The following GRM1 variants were observed in gnomAD, a reference collection of about 807,000 sequenced individuals.
The protein encoded by GRM1 is glutamate metabotropic receptor 1.
Under a neutral mutation model 90.9 loss-of-function variants are expected in GRM1, and 33 were observed. The ratio of observed to expected loss-of-function variants is 0.36; its 90% confidence interval spans 0.28 to 0.49. The LOEUF is 0.49. Among genes scored for constraint, GRM1 ranks in the 20% least tolerant of loss-of-function variants. GRM1 has a pLI of 0.99. For synonymous variants in GRM1, 700 were observed against 613.2 expected (o/e 1.14, Z -2.09); for missense variants, 1,190 against 1,534.3 (o/e 0.78, Z 3.75).
chr6:146,179,245 C>T (rs1301268179), intron 2 of GRM1, among the ~76,000 whole-genome samples: 1 of 152,152 alleles, frequency 6.6e-6, no homozygotes. Context: ...CTTTCAGATC[C>T]CACTACCTAA....
intron 1 of GRM1, among the ~76,000 whole-genome samples, chr6:146,098,511 C>T (rs1036065470): frequency 4.6e-5 from 7 of 151,820 alleles, no homozygotes; most frequent in East Asian, 1.9e-4. Flanking sequence ...ATAATTGTCA[C>T]GCCTGTTGTT....
intron 1 of GRM1, among the ~76,000 whole-genome samples, chr6:146,144,511 C>T (rs577351096): frequency 8.5e-4 from 130 of 152,274 alleles, no homozygotes; most frequent in Non-Finnish European, 1.0e-3. Flanking sequence ...TCTTACCAGA[C>T]GATGCTTCTC....
intron 1 of GRM1, among the ~76,000 whole-genome samples, chr6:146,067,325 AAG>A (rs1775881146): frequency 2.0e-5 from 3 of 152,244 alleles, no homozygotes; most frequent in Non-Finnish European, 4.4e-5. Flanking sequence ...ATCTCCTGTG[AAG>A]GTAGGCAGTG....
At chr6:146,213,960 G>A (rs1163737839) in intron 2 of GRM1, among the ~76,000 whole-genome samples, 3 of 152,116 alleles carry the variant, frequency 2.0e-5, no homozygotes, top group Non-Finnish European at 4.4e-5. Flanking sequence ...GAGTCCAAAA[G>A]CTGGAGGGCC....
rs146606754 is a variant in GRM1 at position 146,074,776 on chromosome 6, C to T, written c.700+44559C>T. Among the ~76,000 whole-genome samples the T allele has an allele frequency of 1.9e-3, 285 of 152,094 alleles. 1 individual carries two copies. Among genetic ancestry groups the T allele is most frequent in the East Asian group, 8.1e-3 (42 of 5,170 alleles). The stretch of plus-strand genomic sequence containing the variant: ...ATTGAATACTAGAGAGTCATAAATC[C>T]GACACAAATATCCCACAGGCAATGC... On this transcript the variant is annotated intron_variant, in intron 1 of 7. Transcript: ENST00000282753.
chr6:146,223,601 A>T (rs886375639), intron 2 of GRM1, among the ~76,000 whole-genome samples: 1 of 151,970 alleles, frequency 6.6e-6, no homozygotes, highest in South Asian at 2.1e-4. Context: ...AAAAATGCCA[A>T]TTTTTTTTCA....
intron 1 of GRM1, among the ~76,000 whole-genome samples, chr6:146,143,342 A>C (rs1407934471): frequency 6.6e-6 from 1 of 152,272 alleles, no homozygotes; most frequent in East Asian, 1.9e-4. Context: ...ATAGGAGGAG[A>C]CTGAGAGCTT....
intron 1 of GRM1, among the ~76,000 whole-genome samples, chr6:146,093,923 C>T (rs1442324588): frequency 6.6e-6 from 1 of 152,036 alleles, no homozygotes; most frequent in Non-Finnish European, 1.5e-5. Context: ...TAAGAAGTCT[C>T]AGAGTTCATA....
At chr6:146,076,976 A>T (rs1008547188) in intron 1 of GRM1, among the ~76,000 whole-genome samples, 1 of 152,146 alleles carries the variant, frequency 6.6e-6, no homozygotes, top group Non-Finnish European at 1.5e-5. Context: ...TTATCCCTCT[A>T]GTCAGAATGA....
At chr6:146,285,272 C>T (rs1331772187) in intron 2 of GRM1, among the ~76,000 whole-genome samples, 1 of 152,152 alleles carries the variant, frequency 6.6e-6, no homozygotes. Context: ...TCACTGCTAT[C>T]CACCTGTTGC....
intron 5 of GRM1, among the ~76,000 whole-genome samples, chr6:146,368,199 AT>A (rs1278455164): frequency 1.5e-5 from 2 of 133,484 alleles, no homozygotes; most frequent in Non-Finnish European, 1.5e-5. Context: ...TAATATTTGT[AT>A]GTTGATGTTG....
At chr6:146,213,065 G>A (rs1393434081) in intron 2 of GRM1, among the ~76,000 whole-genome samples, 1 of 152,088 alleles carries the variant, frequency 6.6e-6, no homozygotes, top group Non-Finnish European at 1.5e-5. Flanking sequence ...AGAAAATTCT[G>A]TAAGAGAATA....
rs556739212 is a variant in GRM1, at chr6:146,384,103, A to G, written c.1603-2787A>G. On this transcript the variant is annotated intron_variant, in intron 5 of 7. Coordinates refer to ENST00000282753, the MANE Select transcript of GRM1 (RefSeq NM_001278064.2). ...AGCTTGGCCATCTTGCTAATTTAAG[A>G]AGACAGAATCAGAGTTTGGGAGGAC... 8.6e-5 allele frequency among the ~76,000 whole-genome samples: 13 copies of G among 152,044 alleles called. No homozygotes were observed. In the South Asian group the frequency reaches 2.8e-3, roughly 33 times the overall value.
At chr6:146,407,340 C>T (rs768785730) in intron 7 of GRM1, among the ~76,000 whole-genome samples, 11 of 152,206 alleles carry the variant, frequency 7.2e-5, no homozygotes, top group Non-Finnish European at 1.3e-4. Context: ...AAATAACACA[C>T]TTGCTCCACA....
chr6:146,124,070 A>T (rs1776105021), intron 1 of GRM1, among the ~76,000 whole-genome samples: 1 of 152,202 alleles, frequency 6.6e-6, no homozygotes. Flanking sequence ...AGAAATATTA[A>T]GTGTTTTGTC....
At chr6:146,426,511 T>G (rs2114675518) in intron 7 of GRM1, 1 of 1,565,674 alleles carries the variant, frequency 6.4e-7, no homozygotes, top group Admixed American at 1.8e-5. Flanking sequence ...TCTGTACACA[T>G]GTATAACCCC....
intron 7 of GRM1, among the ~76,000 whole-genome samples, chr6:146,405,638 T>C (rs1217015424): frequency 1.3e-5 from 2 of 152,146 alleles, no homozygotes; most frequent in African/African-American, 2.4e-5. Flanking sequence ...GACTTCTTCT[T>C]TGGGAGATAG....
chr6:146,115,693 A>G (rs1419639136), intron 1 of GRM1, among the ~76,000 whole-genome samples: 1 of 152,170 alleles, frequency 6.6e-6, no homozygotes, highest in East Asian at 1.9e-4. Context: ...TGCTACTCCA[A>G]TTGTGAAGTG....
chr6:146,124,300 A>G (rs955018680), intron 1 of GRM1, among the ~76,000 whole-genome samples: 1 of 152,226 alleles, frequency 6.6e-6, no homozygotes, highest in African/African-American at 2.4e-5. Context: ...TTTATGGTTT[A>G]GTAATTTCAA....
Sources: gnomAD v4.1 joint callset for allele counts (sites outside exome capture counted in the v4.1 genomes callset) on GRCh38, gnomAD v4.1.1 for gene constraint, MANE v1.5 for transcripts, NCBI Gene and HGNC (gene_info 2026-07-23, HGNC 2026-07-21) for gene names.